Variants in CUL1 observed in about 807,000 individuals in gnomAD.
CUL1 encodes the protein cullin 1, also known as cullin-1.
A neutral mutation model predicts 118.0 loss-of-function variants in CUL1; 24 were observed. The ratio of observed to expected loss-of-function variants is 0.20; its 90% CI spans 0.15 to 0.29. CUL1 has a LOEUF of 0.29. Among genes scored for constraint, CUL1 ranks in the 10% least tolerant of loss-of-function variants. The pLI, the probability that CUL1 is intolerant of heterozygous loss-of-function variation, is 1.00. For missense variants in CUL1, 361 were observed against 933.8 expected (o/e 0.39, Z 7.99); for synonymous variants, 332 against 340.4 (o/e 0.98, Z 0.27).
chr7:148,761,019 A>G (rs1799810120), intron 7 of CUL1, among the ~76,000 whole-genome samples: 1 of 152,112 alleles, frequency 6.6e-6, no homozygotes, highest in African/African-American at 2.4e-5. Context: ...ACACTCAGCT[A>G]ATTGTTTTAT....
At chr7:148,759,456 A>G (rs1442419916) in intron 5 of CUL1, 92 bp from the exon 6 acceptor site, 2 of 1,412,270 alleles carry the variant, frequency 1.4e-6, no homozygotes, top group East Asian at 2.3e-5. Flanking sequence ...CCCATCTTAC[A>G]TTGTTTAGTG....
chr7:148,703,982 C>T (rs1259761832), intron 1 of CUL1, among the ~76,000 whole-genome samples: 3 of 152,008 alleles, frequency 2.0e-5, no homozygotes, highest in Admixed American at 6.6e-5. Context: ...ACACCAAGCA[C>T]GGGAACTGTA....
intron 2 of CUL1, among the ~76,000 whole-genome samples, chr7:148,751,053 C>T (rs988996845): frequency 6.6e-6 from 1 of 151,542 alleles, no homozygotes; most frequent in African/African-American, 2.4e-5. Context: ...TAATAAACCA[C>T]AGTATGAATG....
At chr7:148,729,326 C>T (rs1798680258) in intron 1 of CUL1, among the ~76,000 whole-genome samples, 1 of 152,062 alleles carries the variant, frequency 6.6e-6, no homozygotes, top group South Asian at 2.1e-4. Flanking sequence ...GAAATTAGAG[C>T]TTAGAGAGGT....
intron 1 of CUL1, among the ~76,000 whole-genome samples, chr7:148,714,419 G>A (rs1798145869): frequency 6.6e-6 from 1 of 152,166 alleles, no homozygotes; most frequent in Non-Finnish European, 1.5e-5. Context: ...ACCATGCTGG[G>A]TGCTGGATCT....
At chr7:148,745,286 G>A in intron 2 of CUL1, among the ~76,000 whole-genome samples, 1 of 152,118 alleles carries the variant, frequency 6.6e-6, no homozygotes, top group South Asian at 2.1e-4. Flanking sequence ...AACTATAATA[G>A]TTGCTTTAGA....
intron 2 of CUL1, among the ~76,000 whole-genome samples, chr7:148,733,078 C>T (rs746384639): frequency 5.9e-5 from 9 of 152,188 alleles, no homozygotes; most frequent in Non-Finnish European, 8.8e-5. Flanking sequence ...CCTGGTTGTA[C>T]AGCAGCCAGT....
intron 17 of CUL1, among the ~76,000 whole-genome samples, chr7:148,795,476 AC>A (rs1801155963): frequency 6.6e-6 from 1 of 152,006 alleles, no homozygotes; most frequent in South Asian, 2.1e-4. Context: ...TAGAAGTACA[AC>A]TAAGTACCGC....
intron 7 of CUL1, among the ~76,000 whole-genome samples, chr7:148,765,835 TTG>T (rs1401726210): frequency 6.6e-6 from 1 of 152,188 alleles, no homozygotes; most frequent in Non-Finnish European, 1.5e-5. Context: ...GGGCTTATAT[TTG>T]TGTGACTCTT....
chr7:148,738,957 TG>T (rs891790053), intron 2 of CUL1, among the ~76,000 whole-genome samples: 3 of 152,116 alleles, frequency 2.0e-5, no homozygotes, highest in Non-Finnish European at 4.4e-5. Flanking sequence ...TGTGGCATTG[TG>T]GGGGGCGGTG....
intron 2 of CUL1, among the ~76,000 whole-genome samples, chr7:148,740,925 C>A (rs933043415): frequency 6.6e-6 from 1 of 152,178 alleles, no homozygotes; most frequent in East Asian, 1.9e-4. Context: ...CCTCTAGTCT[C>A]CAGAACTGTG....
At chr7:148,723,654 T>C (rs1439519252) in intron 1 of CUL1, among the ~76,000 whole-genome samples, 1 of 126,050 alleles carries the variant, frequency 7.9e-6, no homozygotes, top group African/African-American at 3.6e-5. Flanking sequence ...ATAGAATATA[T>C]GACTCACCAA....
chr7:148,792,906 G>A, intron 17 of CUL1, 88 bp downstream of exon 17: 2 of 895,412 alleles, frequency 2.2e-6, no homozygotes, highest in Non-Finnish European at 3.5e-6. Flanking sequence ...AAGAGGATAT[G>A]GGCATCTTTA....
chr7:148,783,320 G>A, intron 9 of CUL1: 2 of 985,386 alleles, frequency 2.0e-6, no homozygotes, highest in Non-Finnish European at 2.4e-6. Flanking sequence ...GTTTGCAGTG[G>A]GTGGGGGCCG....
intron 1 of CUL1, among the ~76,000 whole-genome samples, chr7:148,703,729 C>T (rs533655448): frequency 5.3e-5 from 8 of 152,084 alleles, no homozygotes; most frequent in African/African-American, 1.9e-4. Context: ...GACGGGGTTT[C>T]ACCATGTTGG....
Position 148,791,742 on chromosome 7 carries a change from G to T in CUL1, c.1807-984G>T, listed in dbSNP as rs185817586. 3.9e-5 allele frequency among the ~76,000 whole-genome samples: 6 copies of T among 152,388 alleles called. No homozygotes were observed. The East Asian group carries it at 7.7e-4, about 20-fold the overall frequency. The stretch of plus-strand genomic sequence containing the variant: ...TCTTTCCATTGACCAAGGTCTTGCC[G>T]AGAGGCAAGCAGTGACTGACAGTCA... On this transcript the variant is annotated intron_variant, in intron 16 of 21. Coordinates refer to ENST00000325222, the MANE Select transcript of CUL1 (RefSeq NM_003592.3).
At chr7:148,792,025 A>G (rs1801028453) in intron 16 of CUL1, among the ~76,000 whole-genome samples, 1 of 152,060 alleles carries the variant, frequency 6.6e-6, no homozygotes, top group South Asian at 2.1e-4. Flanking sequence ...CATCTCTACT[A>G]AAATACAAAA....
chr7:148,727,293 A>G (rs529659173), intron 1 of CUL1, among the ~76,000 whole-genome samples: 67 of 152,362 alleles, frequency 4.4e-4, no homozygotes, highest in Admixed American at 6.5e-4. Context: ...CCAGAATCCA[A>G]TATTTTAAGG....
Position 148,800,588 on chromosome 7 carries a change from C to A in CUL1, c.*6C>A, listed in dbSNP as rs1189920501. The A allele has an allele frequency of 6.2e-7, 1 of 1,602,404 alleles. No homozygotes were observed. Among genetic ancestry groups the A allele is most frequent in the Admixed American group, 1.7e-5 (1 of 59,978 alleles). On this transcript the variant is annotated 3_prime_UTR_variant, in exon 22 of 22. Coordinates refer to ENST00000325222, the MANE Select transcript of CUL1 (RefSeq NM_003592.3). This position sits in a 1 kb window ranked among gnomAD's most constrained non-coding sequence, Gnocchi z 4.6. ...CCTACAGTTACTTGGCTTAACCCTT[C>A]TGGAAGGGTCTGACTGTGTGACCCG...
Sources: allele counts gnomAD v4.1 joint callset (sites outside exome capture counted in the v4.1 genomes callset), GRCh38; gene constraint gnomAD v4.1.1; non-coding constraint Gnocchi (gnomAD v3.1); transcripts MANE v1.5; gene names NCBI Gene and HGNC (gene_info 2026-07-23, HGNC 2026-07-21).